The following ALG12 variants were observed in gnomAD, a reference collection of about 807,000 sequenced individuals.
ALG12 encodes the protein ALG12 alpha-1,6-mannosyltransferase.
A neutral mutation model predicts 46.0 loss-of-function variants in ALG12; 36 were observed. The observed-to-expected ratio is 0.78, with a 90% CI of 0.60 to 1.03. The LOEUF (loss-of-function observed/expected upper bound fraction) is 1.03, where lower values mean the gene tolerates loss of function less well. Ranked by LOEUF, ALG12 falls within the 50% of genes least tolerant of loss-of-function variation. ALG12 has a pLI of 0.00. For missense variants in ALG12, 599 were observed against 633.5 expected, an observed-to-expected ratio of 0.95 and a Z score of 0.58; for synonymous variants, 326 against 291.6, an observed-to-expected ratio of 1.12 and a Z score of -1.20.
At chr22:49,863,048 C>T in the ALG12 span, among the ~76,000 whole-genome samples, 1 of 152,260 alleles carries the variant, frequency 6.6e-6, no homozygotes, top group African/African-American at 2.4e-5. Context: ...CCCCACCTCC[C>T]GTGGAAGTAT....
chr22:49,891,804 C>T, the ALG12 span, among the ~76,000 whole-genome samples: 1 of 152,098 alleles, frequency 6.6e-6, no homozygotes, highest in African/African-American at 2.4e-5. Flanking sequence ...ATAGTTTTGT[C>T]ATAATATGCA....
the ALG12 span, chr22:49,889,242 C>G: frequency 6.0e-6 from 1 of 167,068 alleles, no homozygotes; most frequent in East Asian, 1.9e-4. Context: ...CAGTCCGGCA[C>G]TCTGCCCATT....
At chr22:49,880,819 G>T in the ALG12 span, among the ~76,000 whole-genome samples, 1 of 152,086 alleles carries the variant, frequency 6.6e-6, no homozygotes, top group Non-Finnish European at 1.5e-5. Context: ...AGGTCAATTT[G>T]GGAAAATACT....
intron 7 of ALG12, 118 bp downstream of exon 7, chr22:49,907,603 C>A: frequency 1.7e-6 from 2 of 1,184,536 alleles, no homozygotes; most frequent in East Asian, 2.5e-5. Context: ...TCCAGCTGGG[C>A]GACAGAGCAA....
the ALG12 span, among the ~76,000 whole-genome samples, chr22:49,892,816 G>T: frequency 6.6e-6 from 1 of 152,044 alleles, no homozygotes; most frequent in Non-Finnish European, 1.5e-5. Context: ...TAACTTTACA[G>T]ATAAACAGTT....
chr22:49,861,281 A>G, the ALG12 span, among the ~76,000 whole-genome samples: 1 of 151,862 alleles, frequency 6.6e-6, no homozygotes, highest in African/African-American at 2.4e-5. Context: ...AGCTGGGACT[A>G]CAGGCACCCG....
At chr22:49,909,487 G>T in intron 5 of ALG12, 140 bp from the exon 6 acceptor site, 1 of 861,590 alleles carries the variant, frequency 1.2e-6, no homozygotes. Flanking sequence ...GATTGCTGGA[G>T]CCTAGGAGTT....
intron 1 of ALG12, 53 bp downstream of exon 1, chr22:49,918,210 T>G (rs751291584): frequency 6.6e-6 from 1 of 152,320 alleles, no homozygotes; most frequent in Non-Finnish European, 1.5e-5. Flanking sequence ...GCCTCCTCCC[T>G]GGTCTCGCCG....
Position 49,906,698 on chromosome 22 carries a change from G to T in ALG12, c.992+1023C>A, listed in dbSNP as rs77627744. 2.0e-5 allele frequency among the ~76,000 whole-genome samples: 3 copies of T among 152,244 alleles called. No homozygotes were observed. Among genetic ancestry groups the T allele is most frequent in the African/African-American group, 7.2e-5 (3 of 41,562 alleles). ...GGCCCTCCTGGCCTGTAGCCCTGCC[G>T]CCCCTCAATGCCCAGCGTGGCCTGA... is the stretch of plus-strand genomic sequence containing the variant. On this transcript the variant is annotated intron_variant, in intron 7 of 9. Transcript: ENST00000330817. The surrounding 1 kb of genome is among the most constrained non-coding windows in gnomAD (Gnocchi z 4.4).
At chr22:49,860,670 T>G in the ALG12 span, among the ~76,000 whole-genome samples, 1 of 152,236 alleles carries the variant, frequency 6.6e-6, no homozygotes, top group African/African-American at 2.4e-5. Flanking sequence ...TCAGATCATT[T>G]TTAGATTTAG....
At chr22:49,884,214 T>C in the ALG12 span, 21 of 1,603,748 alleles carry the variant, frequency 1.3e-5, no homozygotes, top group Non-Finnish European at 1.7e-5. Context: ...CGTTCCCCTC[T>C]CCCTCACTCC....
chr22:49,891,243 G>A, the ALG12 span, among the ~76,000 whole-genome samples: 2 of 152,152 alleles, frequency 1.3e-5, no homozygotes, highest in Admixed American at 6.5e-5. Flanking sequence ...TATAATTCAA[G>A]GAAATGCTTC....
At chr22:49,866,011 T>A in the ALG12 span, among the ~76,000 whole-genome samples, 2 of 152,114 alleles carry the variant, frequency 1.3e-5, no homozygotes, top group Non-Finnish European at 2.9e-5. Flanking sequence ...CCTGGCTAGT[T>A]CACTTTTTTC....
In ALG12 at chr22:49,903,915, G is replaced by A. The variant is rs546031490; in HGVS notation, c.1390C>T (p.Leu464=). Residue 464 remains leucine, a synonymous_variant, in exon 10 of 10, where the codon CTG becomes TTG. Coordinates refer to ENST00000330817, the MANE Select transcript of ALG12 (RefSeq NM_024105.4). ...ACGTTGAAGGGGGGCAGTTGGGTCA[G>A]GTTCAGACTCACACCTGTGGTCCCC... The part of the protein sequence containing the change: ...VVGTTGVSLN[L]TQLPPFNVHL... 3 of 1,614,198 alleles carry A rather than the reference G, an allele frequency of 1.9e-6. No individual in the cohort carries two copies. The highest frequency in any genetic ancestry group is 2.7e-5 in the African/African-American group (2 of 75,056).
intron 3 of ALG12, among the ~76,000 whole-genome samples, chr22:49,911,307 CAG>C (rs1014567165): frequency 1.3e-5 from 2 of 152,228 alleles, no homozygotes; most frequent in African/African-American, 4.8e-5. Context: ...GGCCAATGGG[CAG>C]AGATACCCAG....
chr22:49,915,841 C>T (rs2060606284), intron 1 of ALG12, among the ~76,000 whole-genome samples: 1 of 152,218 alleles, frequency 6.6e-6, no homozygotes, highest in South Asian at 2.1e-4. Context: ...GCAGGGCTTG[C>T]TTGGTGGACT....
chr22:49,874,646 T>TA, the ALG12 span, among the ~76,000 whole-genome samples: 5 of 142,632 alleles, frequency 3.5e-5, no homozygotes, highest in Non-Finnish European at 7.5e-5. Context: ...GTGCTGGGAT[T>TA]ACAGGCGTGA....
chr22:49,907,297 G>A (rs1015399891), intron 7 of ALG12, among the ~76,000 whole-genome samples: 4 of 152,196 alleles, frequency 2.6e-5, no homozygotes, highest in African/African-American at 9.7e-5. Flanking sequence ...GACAGAGACT[G>A]GGACCGCTGG....
chr22:49,865,653 C>T, the ALG12 span, among the ~76,000 whole-genome samples: 27 of 151,926 alleles, frequency 1.8e-4, no homozygotes, highest in East Asian at 1.2e-3. Flanking sequence ...CCAGTCTGGG[C>T]GACAGAGTGG....
Sources: gnomAD v4.1 joint callset for allele counts (sites outside exome capture counted in the v4.1 genomes callset) on GRCh38, gnomAD v4.1.1 for gene constraint, Gnocchi (gnomAD v3.1) non-coding constraint, MANE v1.5 for transcripts, NCBI Gene and HGNC (gene_info 2026-07-23, HGNC 2026-07-21) for gene names.